The following JPT2 variants were observed in gnomAD, a reference collection of about 807,000 sequenced individuals.
The protein encoded by JPT2 is CRAMP_1 like.
Under a neutral mutation model 15.9 loss-of-function variants are expected in JPT2, and 9 were observed. The observed-to-expected ratio is 0.57, with a 90% confidence interval of 0.34 to 0.99. The LOEUF is 0.99. Ranked by LOEUF, JPT2 falls within the 50% of genes least tolerant of loss-of-function variation. The pLI, the probability that JPT2 is intolerant of heterozygous loss-of-function variation, is 0.02. For synonymous variants in JPT2, 95 were observed against 91.7 expected, an observed-to-expected ratio of 1.04 and a Z score of -0.21; for missense variants, 267 against 252.1, an observed-to-expected ratio of 1.06 and a Z score of -0.40.
At chr16:1,697,984 G>A (rs778659729) in intron 4 of JPT2, 124 bp downstream of exon 4, 7 of 805,898 alleles carry the variant, frequency 8.7e-6, no homozygotes, top group Admixed American at 2.2e-5. Flanking sequence ...TGATTAAAAC[G>A]AGCTCAGGTG....
In JPT2 at chr16:1,699,886, G is replaced by GT. The variant is rs1223313805; in HGVS notation, c.*889dup. 3 of 297,722 alleles carry GT rather than the reference G, an allele frequency of 1.0e-5. No individual in the cohort carries two copies. The highest frequency in any genetic ancestry group is 8.9e-5 in the South Asian group (3 of 33,728). The allele number at this position is 297,722 out of a possible 1,614,324, so 18.4% of individuals were successfully genotyped here. ...TAAAAATCTATTCAGATATTTCCGA[G>GT]TAAGTGGCTTGTTTAAATTCTTCCT... On this transcript the variant is annotated 3_prime_UTR_variant, in exon 5 of 5. Coordinates refer to ENST00000248098, the MANE Select transcript of JPT2 (RefSeq NM_144570.3).
At chr16:1,685,941 A>C (rs980588913) in intron 2 of JPT2, 1 of 199,208 alleles carries the variant, frequency 5.0e-6, no homozygotes, top group South Asian at 1.0e-4. Flanking sequence ...CATTTTTCCT[A>C]GGGAGGGAGA....
chr16:1,697,871 G>C lies in JPT2; in HGVS notation c.385+11G>C, dbSNP rs1338703355. ...AATCGGATCTTAAAGGTGAGCTTTT[G>C]TTTTCTTTCCCTTCTCCTGAGTGGC... On this transcript the variant is annotated intron_variant, in intron 4 of 4. Transcript: ENST00000248098. The C allele has an allele frequency of 6.2e-6, 10 of 1,612,648 alleles. No homozygotes were observed. Among genetic ancestry groups the C allele is most frequent in the Non-Finnish European group, 7.6e-6 (9 of 1,178,862 alleles).
In JPT2 at chr16:1,685,426, T is replaced by C; in HGVS notation, c.45-13T>C. The C allele has an allele frequency of 6.2e-7, 1 of 1,613,952 alleles. No individual in the cohort carries two copies. The highest frequency in any genetic ancestry group is 8.5e-7 in the Non-Finnish European group (1 of 1,179,912). ...TCTGCCATCAGTAATTGGCATGTAC[T>C]CTGTGCTTGTAGGGCCATGAAGCCC... On this transcript the variant is annotated splice_polypyrimidine_tract_variant and intron_variant, in intron 1 of 4. Coordinates refer to ENST00000248098, the MANE Select transcript of JPT2 (RefSeq NM_144570.3).
At chr16:1,702,303 T>C (rs1465537313), downstream of JPT2, 1 of 396,988 alleles carries the variant, frequency 2.5e-6, no homozygotes, top group Non-Finnish European at 5.1e-6. Flanking sequence ...CACTTGTTCA[T>C]CCACAGGGTA....
intron 2 of JPT2, chr16:1,686,709 A>T (rs1211376490): frequency 2.0e-5 from 3 of 151,774 alleles, no homozygotes; most frequent in Admixed American, 6.6e-5. Context: ...AAAAAAAAAT[A>T]GAAAAAGGTT....
At chr16:1,690,810 A>G (rs1013556461) in intron 2 of JPT2, among the ~76,000 whole-genome samples, 17 of 152,254 alleles carry the variant, frequency 1.1e-4, no homozygotes, top group Non-Finnish European at 2.5e-4. Context: ...ATACCTCTTT[A>G]TCATTGCATA....
At chr16:1,702,796 G>T (rs556390105), downstream of JPT2, among the ~76,000 whole-genome samples, 18 of 152,358 alleles carry the variant, frequency 1.2e-4, no homozygotes, top group South Asian at 3.7e-3. Context: ...ACAGGGAACT[G>T]TGTGGCTTCT....
intron 3 of JPT2, among the ~76,000 whole-genome samples, chr16:1,693,475 A>C (rs1324355634): frequency 6.6e-6 from 1 of 152,170 alleles, no homozygotes; most frequent in Non-Finnish European, 1.5e-5. Context: ...GAACTTTGGC[A>C]AGACCAGAAA....
chr16:1,686,634 A>T (rs1268655982), intron 2 of JPT2: 1 of 151,908 alleles, frequency 6.6e-6, no homozygotes, highest in Non-Finnish European at 1.5e-5. Flanking sequence ...GGTGGCAGTG[A>T]GCCAAATTCA....
chr16:1,692,093 G>T, intron 3 of JPT2, 108 bp downstream of exon 3: 1 of 1,385,942 alleles, frequency 7.2e-7, no homozygotes, highest in African/African-American at 1.4e-5. Flanking sequence ...ATCATGGTGG[G>T]TGCCGTAGAT....
intron 2 of JPT2, 100 bp from the exon 3 acceptor site, chr16:1,691,743 G>A: frequency 7.1e-7 from 1 of 1,416,716 alleles, no homozygotes; most frequent in Non-Finnish European, 9.5e-7. Flanking sequence ...CTGGCACTCG[G>A]GGTTCCTATG....
intron 3 of JPT2, among the ~76,000 whole-genome samples, chr16:1,693,186 A>G (rs542074404): frequency 2.2e-4 from 33 of 152,194 alleles, no homozygotes; most frequent in Non-Finnish European, 4.0e-4. Flanking sequence ...TGCAGCCACT[A>G]TCTCCTGGGT....
intron 1 of JPT2, among the ~76,000 whole-genome samples, chr16:1,680,045 C>G (rs757117368): frequency 6.6e-6 from 1 of 152,186 alleles, no homozygotes; most frequent in Non-Finnish European, 1.5e-5. Context: ...GATGACAGAG[C>G]AAGACTCCGT....
chr16:1,693,516 G>A (rs1223777933), intron 3 of JPT2, among the ~76,000 whole-genome samples: 1 of 152,142 alleles, frequency 6.6e-6, no homozygotes. Context: ...CCTCTACTAC[G>A]TAAAGCACTC....
intron 1 of JPT2, chr16:1,683,464 T>A (rs1280782736): frequency 7.8e-7 from 1 of 1,277,762 alleles, no homozygotes; most frequent in East Asian, 2.5e-5. Flanking sequence ...ATAATTTTTC[T>A]TAAGTGCACC....
At chr16:1,685,868 C>T in intron 2 of JPT2, 1 of 278,208 alleles carries the variant, frequency 3.6e-6, no homozygotes, top group Non-Finnish European at 6.7e-6. Flanking sequence ...GGAGCTGCTC[C>T]CAATTGTTCC....
intron 3 of JPT2, among the ~76,000 whole-genome samples, chr16:1,695,405 C>CAA (rs35052397): frequency 7.4e-5 from 9 of 121,360 alleles, no homozygotes; most frequent in Admixed American, 5.9e-4. Context: ...AACTCCGTCC[C>CAA]AAAAAAAAAA....
chr16:1,694,886 A>C (rs568729640), intron 3 of JPT2, among the ~76,000 whole-genome samples: 17 of 152,256 alleles, frequency 1.1e-4, no homozygotes, highest in African/African-American at 3.9e-4. Flanking sequence ...TTCTTAGAAG[A>C]AAATATAGGG....
Sources: allele counts gnomAD v4.1 joint callset (sites outside exome capture counted in the v4.1 genomes callset), GRCh38; gene constraint gnomAD v4.1.1; transcripts MANE v1.5; gene names NCBI Gene and HGNC (gene_info 2026-07-23, HGNC 2026-07-21).